The following SRPK2 variants were observed in gnomAD, a reference collection of about 807,000 sequenced individuals.
The protein encoded by SRPK2 is SRSF protein kinase 2.
Under a neutral mutation model 90.8 loss-of-function variants are expected in SRPK2, and 21 were observed. That is an observed-to-expected ratio of 0.23 (90% CI 0.16 to 0.33). The LOEUF (loss-of-function observed/expected upper bound fraction) is 0.33, where lower values mean the gene tolerates loss of function less well. Among genes scored for constraint, SRPK2 ranks in the 10% least tolerant of loss-of-function variants. The pLI is 1.00. For missense variants in SRPK2, 620 were observed against 869.0 expected, an observed-to-expected ratio of 0.71 and a Z score of 3.60; for synonymous variants, 288 against 311.1, an observed-to-expected ratio of 0.93 and a Z score of 0.78.
At chr7:105,213,619 C>T (rs933544491) in intron 2 of SRPK2, among the ~76,000 whole-genome samples, 3 of 152,080 alleles carry the variant, frequency 2.0e-5, no homozygotes, top group African/African-American at 7.2e-5. Flanking sequence ...CATACATATA[C>T]AAAAGTAAGC....
chr7:105,281,099 T>C (rs1386538432), intron 2 of SRPK2, among the ~76,000 whole-genome samples: 5 of 151,816 alleles, frequency 3.3e-5, no homozygotes, highest in East Asian at 1.9e-4. Context: ...GTTTGGTTTT[T>C]CCCCCGCTTT....
intron 2 of SRPK2, chr7:105,297,586 G>A (rs368067007): frequency 2.5e-4 from 178 of 712,768 alleles, no homozygotes; most frequent in South Asian, 1.1e-3. Context: ...GAAGGTCCAC[G>A]CTACAATTAC....
chr7:105,333,118 C>T (rs564321202), intron 2 of SRPK2, among the ~76,000 whole-genome samples: 5 of 151,974 alleles, frequency 3.3e-5, no homozygotes, highest in East Asian at 2.0e-4. Flanking sequence ...AGCTTGAACC[C>T]GGGTGGCGGA....
intron 2 of SRPK2, among the ~76,000 whole-genome samples, chr7:105,289,380 C>T (rs1267358346): frequency 6.6e-6 from 1 of 152,126 alleles, no homozygotes; most frequent in African/African-American, 2.4e-5. Context: ...GACATACCTC[C>T]AGGATATCAC....
intron 2 of SRPK2, among the ~76,000 whole-genome samples, chr7:105,281,015 C>T (rs1807252648): frequency 6.7e-6 from 1 of 149,174 alleles, no homozygotes. Context: ...GAGTTAGTGC[C>T]CCTAACTCTC....
At chr7:105,244,795 T>G in intron 2 of SRPK2, 1 of 968,292 alleles carries the variant, frequency 1.0e-6, no homozygotes, top group Non-Finnish European at 1.7e-6. Flanking sequence ...CGGAGGCATG[T>G]GGCTTCGCCC....
chr7:105,272,767 C>A (rs1000651644), intron 2 of SRPK2, among the ~76,000 whole-genome samples: 1 of 152,164 alleles, frequency 6.6e-6, no homozygotes, highest in African/African-American at 2.4e-5. Context: ...ACAGTCTCTG[C>A]ATGGCTTGAA....
intron 2 of SRPK2, among the ~76,000 whole-genome samples, chr7:105,372,048 T>C (rs1042612427): frequency 7.0e-6 from 1 of 143,270 alleles, no homozygotes; most frequent in Non-Finnish European, 1.5e-5. Context: ...GGCAGGAGAA[T>C]GGCATGAACC....
intron 11 of SRPK2, among the ~76,000 whole-genome samples, chr7:105,135,037 C>T (rs1306909587): frequency 6.6e-6 from 1 of 152,088 alleles, no homozygotes; most frequent in Non-Finnish European, 1.5e-5. Context: ...TCACCTGGGG[C>T]TGAGAACAGA....
chr7:105,240,568 G>A (rs1461785941), intron 2 of SRPK2, among the ~76,000 whole-genome samples: 2 of 151,970 alleles, frequency 1.3e-5, no homozygotes, highest in African/African-American at 4.8e-5. Context: ...ACAGAAATTA[G>A]GGGGCAGTGG....
chr7:105,165,206 A>G (rs1452502379), intron 6 of SRPK2, among the ~76,000 whole-genome samples: 1 of 152,154 alleles, frequency 6.6e-6, no homozygotes, highest in Non-Finnish European at 1.5e-5. Context: ...TAACATGCCA[A>G]CCCTTTCTAC....
chr7:105,229,137 C>G (rs754673234), intron 2 of SRPK2, among the ~76,000 whole-genome samples: 5 of 152,058 alleles, frequency 3.3e-5, no homozygotes, highest in Non-Finnish European at 5.9e-5. Context: ...TAAAACCACC[C>G]AAAATTTTGA....
At chr7:105,395,124 G>T (rs1313231385) in intron 1 of SRPK2, among the ~76,000 whole-genome samples, 2 of 152,166 alleles carry the variant, frequency 1.3e-5, no homozygotes, top group Admixed American at 1.3e-4. Context: ...AGTGAGCCAA[G>T]ATCTTGCCAC....
intron 2 of SRPK2, among the ~76,000 whole-genome samples, chr7:105,374,425 T>C (rs908994265): frequency 2.0e-5 from 3 of 152,278 alleles, no homozygotes; most frequent in South Asian, 2.1e-4. Context: ...AATATTTCCA[T>C]TTGCAGGATT....
At chr7:105,153,930 A>C (rs1806126986) in intron 7 of SRPK2, among the ~76,000 whole-genome samples, 1 of 152,160 alleles carries the variant, frequency 6.6e-6, no homozygotes, top group Non-Finnish European at 1.5e-5. Flanking sequence ...GTTCCACTAG[A>C]TTTCCCTTCC....
chr7:105,270,624 G>T (rs888875834), intron 2 of SRPK2, among the ~76,000 whole-genome samples: 1 of 151,884 alleles, frequency 6.6e-6, no homozygotes, highest in Non-Finnish European at 1.5e-5. Context: ...GGTCAGGCTG[G>T]TCTTGAACTC....
chr7:105,378,068 G>A (rs1192243920), intron 2 of SRPK2, among the ~76,000 whole-genome samples: 3 of 152,002 alleles, frequency 2.0e-5, no homozygotes, highest in African/African-American at 4.8e-5. Context: ...CCTATTTATT[G>A]CTTACCACAC....
intron 2 of SRPK2, among the ~76,000 whole-genome samples, chr7:105,304,669 G>A (rs1056597313): frequency 3.3e-5 from 5 of 152,230 alleles, no homozygotes; most frequent in East Asian, 1.9e-4. Context: ...ACAGTATCCC[G>A]AGCCTTACTT....
At chr7:105,258,417 C>CAAAAAA (rs33941320) in intron 2 of SRPK2, among the ~76,000 whole-genome samples, 9 of 121,600 alleles carry the variant, frequency 7.4e-5, no homozygotes, top group African/African-American at 1.3e-4. Context: ...AACTCGGTCT[C>CAAAAAA]AAAAAAAAAA....
Sources: gnomAD v4.1 joint callset for allele counts (sites outside exome capture counted in the v4.1 genomes callset) on GRCh38, gnomAD v4.1.1 for gene constraint, MANE v1.5 for transcripts, NCBI Gene and HGNC (gene_info 2026-07-23, HGNC 2026-07-21) for gene names.